The following CNTN5 variants were observed in gnomAD, a reference collection of about 807,000 sequenced individuals.
CNTN5 encodes contactin-5.
Under a neutral mutation model 129.1 loss-of-function variants are expected in CNTN5, and 77 were observed. That is an observed-to-expected ratio of 0.60 (90% confidence interval 0.50 to 0.72). The LOEUF (loss-of-function observed/expected upper bound fraction) is 0.72, where lower values mean the gene tolerates loss of function less well. CNTN5 is among the 30% of genes least tolerant of loss of function. The pLI is 0.00. For missense variants in CNTN5, 1,478 were observed against 1,328.8 expected, an observed-to-expected ratio of 1.11 and a Z score of -1.75; for synonymous variants, 509 against 465.6, an observed-to-expected ratio of 1.09 and a Z score of -1.20.
chr11:99,855,593 A>T (rs559677697), intron 6 of CNTN5, among the ~76,000 whole-genome samples: 2 of 152,302 alleles, frequency 1.3e-5, no homozygotes, highest in African/African-American at 4.8e-5. Flanking sequence ...TAGAAAGAAG[A>T]GAGTCCATCT....
At chr11:99,467,247 G>A (rs1184024186) in intron 2 of CNTN5, among the ~76,000 whole-genome samples, 1 of 151,818 alleles carries the variant, frequency 6.6e-6, no homozygotes, top group East Asian at 1.9e-4. Flanking sequence ...GCTTTTTTGG[G>A]TCTTTCTTGG....
At chr11:99,689,013 G>A (rs1280730085) in intron 3 of CNTN5, among the ~76,000 whole-genome samples, 1 of 151,916 alleles carries the variant, frequency 6.6e-6, no homozygotes, top group Non-Finnish European at 1.5e-5. Flanking sequence ...GTCATTGATG[G>A]GCATTTAGGT....
intron 8 of CNTN5, among the ~76,000 whole-genome samples, chr11:99,997,290 T>C (rs1233196952): frequency 6.6e-6 from 1 of 152,202 alleles, no homozygotes; most frequent in Non-Finnish European, 1.5e-5. Context: ...CTTTTGAATG[T>C]GTTTGCTCTT....
chr11:99,480,393 A>C lies in CNTN5; in HGVS notation c.-70-75752A>C, dbSNP rs187654742. Among the ~76,000 whole-genome samples, 552 of 152,248 alleles carry C rather than the reference A, an allele frequency of 3.6e-3. 2 individuals are homozygous for C. Among genetic ancestry groups the C allele is most frequent in the Middle Eastern group, 0.01 (3 of 294 alleles). ...ACTGGCTTTCAATGGCATCTTTGGC[A>C]GGATATTTGATCTCTGGGGACCTGT... On this transcript the variant is annotated intron_variant, in intron 2 of 24. Transcript: ENST00000524871.
chr11:100,267,922 G>A (rs1344169712), intron 17 of CNTN5, among the ~76,000 whole-genome samples: 2 of 152,142 alleles, frequency 1.3e-5, no homozygotes, highest in Non-Finnish European at 2.9e-5. Context: ...CAGAAGCTTG[G>A]TGACGCAGGT....
intron 2 of CNTN5, among the ~76,000 whole-genome samples, chr11:99,337,357 T>C (rs1850402552): frequency 6.6e-6 from 1 of 152,160 alleles, no homozygotes; most frequent in South Asian, 2.1e-4. Flanking sequence ...CCTTCAGAGC[T>C]GAGAGCCCGG....
intron 1 of CNTN5, among the ~76,000 whole-genome samples, chr11:99,085,378 T>A (rs1865965578): frequency 6.6e-6 from 1 of 152,178 alleles, no homozygotes; most frequent in Non-Finnish European, 1.5e-5. Flanking sequence ...TGGCTATTAT[T>A]AAAGATTAAG....
chr11:99,238,477 T>C (rs371352995), intron 1 of CNTN5, among the ~76,000 whole-genome samples: 4 of 152,204 alleles, frequency 2.6e-5, no homozygotes, highest in Non-Finnish European at 5.9e-5. Flanking sequence ...AACTCTCATA[T>C]AGTTGTAATT....
chr11:100,071,905 A>C (rs1400921431), intron 12 of CNTN5, 71 bp downstream of exon 12: 1 of 1,320,152 alleles, frequency 7.6e-7, no homozygotes, highest in Non-Finnish European at 1.0e-6. Context: ...TTTTTACTAT[A>C]CTGAAGGTTT....
At chr11:99,428,726 C>CTAAT (rs760729049) in intron 2 of CNTN5, among the ~76,000 whole-genome samples, 5 of 151,738 alleles carry the variant, frequency 3.3e-5, no homozygotes, top group Non-Finnish European at 5.9e-5. Context: ...TTACATTTCC[C>CTAAT]TAATTTACTA....
chr11:99,424,286 A>T (rs1040467756), intron 2 of CNTN5, among the ~76,000 whole-genome samples: 3 of 152,226 alleles, frequency 2.0e-5, no homozygotes, highest in African/African-American at 7.2e-5. Flanking sequence ...TCTACAAGTG[A>T]CTAATGGGTG....
At chr11:99,152,976 C>G (rs1860143258) in intron 1 of CNTN5, among the ~76,000 whole-genome samples, 1 of 152,174 alleles carries the variant, frequency 6.6e-6, no homozygotes, top group Non-Finnish European at 1.5e-5. Flanking sequence ...GGCCTCCAGT[C>G]TCTTCTGGCT....
chr11:100,083,656 A>T (rs548474973), intron 13 of CNTN5, among the ~76,000 whole-genome samples: 1 of 152,248 alleles, frequency 6.6e-6, no homozygotes, highest in South Asian at 2.1e-4. Context: ...ATGGGAAAAA[A>T]ATTCTCACAT....
chr11:99,948,755 A>AGT (rs1950607597), intron 7 of CNTN5, among the ~76,000 whole-genome samples: 1 of 152,196 alleles, frequency 6.6e-6, no homozygotes, highest in Non-Finnish European at 1.5e-5. Flanking sequence ...GCACATTCTA[A>AGT]GTGTGGTACA....
At position 99,794,608 on chromosome 11, in the gene CNTN5, G is replaced by A. The variant is rs76666117; in HGVS notation, c.56-24936G>A. Among the ~76,000 whole-genome samples, 1,128 of 152,228 alleles carry A rather than the reference G, an allele frequency of 7.4e-3. 9 individuals are homozygous for A. Among genetic ancestry groups the A allele is most frequent in the African/African-American group, 0.026 (1,070 of 41,516 alleles). ...GCACTCCTTCAGGATGTTTTGTAAG[G>A]CAGATCTTTTGGTAACAAATTTCCT... On this transcript the variant is annotated intron_variant, in intron 3 of 24. Transcript: ENST00000524871.
chr11:100,267,987 G>T (rs779473880), intron 17 of CNTN5, among the ~76,000 whole-genome samples: 21 of 152,088 alleles, frequency 1.4e-4, no homozygotes, highest in Non-Finnish European at 2.1e-4. Flanking sequence ...GAAACTATTT[G>T]GGTGGTAAAA....
chr11:100,079,979 T>G (rs914043251), intron 13 of CNTN5, among the ~76,000 whole-genome samples: 1 of 152,174 alleles, frequency 6.6e-6, no homozygotes, highest in South Asian at 2.1e-4. Flanking sequence ...TTATTACATG[T>G]TCAATTTCCT....
intron 3 of CNTN5, among the ~76,000 whole-genome samples, chr11:99,773,724 A>G (rs894551045): frequency 1.3e-5 from 2 of 151,722 alleles, no homozygotes; most frequent in Non-Finnish European, 2.9e-5. Context: ...GCGAACGTTT[A>G]AAGTTGCTAT....
intron 2 of CNTN5, among the ~76,000 whole-genome samples, chr11:99,370,794 G>A (rs931190624): frequency 1.3e-5 from 2 of 152,268 alleles, no homozygotes; most frequent in Non-Finnish European, 2.9e-5. Context: ...AAAGACTCTC[G>A]TGGTAAAGCT....
Sources: allele counts gnomAD v4.1 joint callset (sites outside exome capture counted in the v4.1 genomes callset), GRCh38; gene constraint gnomAD v4.1.1; transcripts MANE v1.5; gene names NCBI Gene and HGNC (gene_info 2026-07-23, HGNC 2026-07-21).